Variants in GPR139 observed in about 807,000 individuals in gnomAD.
GPR139 encodes the protein G protein-coupled receptor 139.
A neutral mutation model predicts 25.8 loss-of-function variants in GPR139; 12 were observed. The observed-to-expected ratio is 0.47, with a 90% confidence interval of 0.30 to 0.75. The LOEUF (loss-of-function observed/expected upper bound fraction) is 0.75. GPR139 is among the 30% of genes least tolerant of loss of function. The pLI, the probability that GPR139 is intolerant of heterozygous loss-of-function variation, is 0.07. For missense variants in GPR139, 380 were observed against 450.2 expected (o/e 0.84, Z 1.41); for synonymous variants, 184 against 179.9 (o/e 1.02, Z -0.18).
intron 1 of GPR139, among the ~76,000 whole-genome samples, chr16:20,056,706 T>C (rs1300558417): frequency 6.6e-6 from 1 of 152,166 alleles, no homozygotes; most frequent in Non-Finnish European, 1.5e-5. Flanking sequence ...GTCTGGCACA[T>C]AATAGGTGGT....
Position 20,037,374 on chromosome 16 carries a change from C to T in GPR139, c.128-4705G>A, listed in dbSNP as rs553260130. ...GGCTGAGGCAGGAGAATCACTTGAA[C>T]TCGGGAGGTGGAAGTTACAGTGAGC... On this transcript the variant is annotated intron_variant, in intron 1 of 1. Transcript: ENST00000570682. Among the ~76,000 whole-genome samples the T allele has an allele frequency of 2.3e-3, 352 of 151,130 alleles. 2 individuals are homozygous for T. Among genetic ancestry groups the T allele is most frequent in the Middle Eastern group, 6.8e-3 (2 of 292 alleles).
chr16:20,055,071 G>A (rs1401271403), intron 1 of GPR139, among the ~76,000 whole-genome samples: 1 of 152,098 alleles, frequency 6.6e-6, no homozygotes, highest in African/African-American at 2.4e-5. Context: ...GTATCTATCA[G>A]TTATTTTTTT....
At chr16:20,070,838 A>T (rs2057457019) in intron 1 of GPR139, 1 of 446,078 alleles carries the variant, frequency 2.2e-6, no homozygotes, top group South Asian at 9.4e-5. Context: ...GAGTAATGAG[A>T]GTTTGCTAAT....
chr16:20,073,052 C>G lies in GPR139; in HGVS notation c.127+438G>C, dbSNP rs2057465436. Among the ~76,000 whole-genome samples, 1 of 152,152 alleles carries G rather than the reference C, an allele frequency of 6.6e-6. No homozygotes were observed. ...GGACACGCAGAGGGGCAGAGGTGCC[C>G]CAAGTGGGGTGGACGTGCAGGGGCC... On this transcript the variant is annotated intron_variant, in intron 1 of 1. Transcript: ENST00000570682. The surrounding 1 kb of genome is among the most constrained non-coding windows in gnomAD (Gnocchi z 4.7).
intron 1 of GPR139, among the ~76,000 whole-genome samples, chr16:20,052,524 G>A (rs1318517488): frequency 6.6e-6 from 1 of 152,216 alleles, no homozygotes; most frequent in Non-Finnish European, 1.5e-5. Context: ...GCGGCTGGGC[G>A]CGGTGGCTCA....
chr16:20,052,833 G>A (rs2057377218), intron 1 of GPR139, among the ~76,000 whole-genome samples: 1 of 150,642 alleles, frequency 6.6e-6, no homozygotes, highest in South Asian at 2.1e-4. Flanking sequence ...CTTATTATAA[G>A]CTAGAAATGG....
In GPR139 at chr16:20,030,156, T is replaced by C. The variant is rs2057282379; in HGVS notation, c.*1579A>G. On this transcript the variant is annotated 3_prime_UTR_variant, in exon 2 of 2. Transcript: ENST00000570682. ...TAGGGTTTGTGTTGCCATGGGGCCTTTTCTTATCCCATTCATTTATTGCAA... is the reference window on the plus strand; with the variant it reads ...TAGGGTTTGTGTTGCCATGGGGCCTCTTCTTATCCCATTCATTTATTGCAA... Among the ~76,000 whole-genome samples the C allele has an allele frequency of 1.3e-5, 2 of 152,316 alleles. No individual in the cohort carries two copies. The highest frequency in any genetic ancestry group is 4.8e-5 in the African/African-American group (2 of 41,570).
At chr16:20,035,628 G>A (rs1474478481) in intron 1 of GPR139, among the ~76,000 whole-genome samples, 3 of 152,194 alleles carry the variant, frequency 2.0e-5, no homozygotes, top group Non-Finnish European at 4.4e-5. Context: ...GCAAGCTGTA[G>A]TGAACGCTAT....
chr16:20,046,263 T>G (rs1432679964), intron 1 of GPR139, among the ~76,000 whole-genome samples: 4 of 152,190 alleles, frequency 2.6e-5, no homozygotes, highest in African/African-American at 9.7e-5. Context: ...ATTCAACAAA[T>G]GTTTACTGAG....
chr16:20,045,021 A>C (rs2057349515), intron 1 of GPR139, among the ~76,000 whole-genome samples: 1 of 120,724 alleles, frequency 8.3e-6, no homozygotes. Flanking sequence ...TTTTTTTTAG[A>C]CTGAGTCTTG....
intron 1 of GPR139, among the ~76,000 whole-genome samples, chr16:20,059,038 GGGA>G (rs1474085778): frequency 6.6e-6 from 1 of 152,184 alleles, no homozygotes; most frequent in Admixed American, 6.5e-5. Context: ...TGGCTGGGGT[GGGA>G]GGAGGATGAG....
intron 1 of GPR139, among the ~76,000 whole-genome samples, chr16:20,062,357 G>A (rs2057417112): frequency 6.6e-6 from 1 of 152,224 alleles, no homozygotes; most frequent in African/African-American, 2.4e-5. Flanking sequence ...TCTCCCGTGA[G>A]AGGATACAAC....
chr16:20,056,800 C>A (rs1451938307), intron 1 of GPR139, among the ~76,000 whole-genome samples: 1 of 152,050 alleles, frequency 6.6e-6, no homozygotes, highest in Non-Finnish European at 1.5e-5. Flanking sequence ...AGAAAGCAAA[C>A]CTTGGAAGGA....
intron 1 of GPR139, among the ~76,000 whole-genome samples, chr16:20,041,079 C>T (rs1208129684): frequency 6.9e-6 from 1 of 144,022 alleles, no homozygotes; most frequent in Non-Finnish European, 1.5e-5. Context: ...CACTGCACTC[C>T]AGCCTGGGCG....
At position 20,032,439 on chromosome 16, in the gene GPR139, C is replaced by G. The variant is rs749993997; in HGVS notation, c.358G>C (p.Val120Leu). 4 of 1,614,158 alleles carry G rather than the reference C, an allele frequency of 2.5e-6. No individual in the cohort carries two copies. The East Asian group carries it at 8.9e-5, about 36-fold the overall frequency. ...ATATACCTGTCAATGGTTAACGGTA[C>G]AGTAATCCATATGGAGGTGTGGATG... Reference protein sequence around the residue: ...SSIHTSIWITVPLTIDRYIAV... With the variant: ...SSIHTSIWITLPLTIDRYIAV... The change falls in exon 2 of 2, where the codon GTA becomes CTA. Residue 120 changes from valine (V) to leucine (L), a missense_variant. Val to Leu is a conservative substitution (Grantham distance 32). Coordinates refer to ENST00000570682, the MANE Select transcript of GPR139 (RefSeq NM_001002911.4).
intron 1 of GPR139, among the ~76,000 whole-genome samples, chr16:20,044,992 C>A (rs975213948): frequency 8.0e-6 from 1 of 125,126 alleles, no homozygotes; most frequent in African/African-American, 3.0e-5. Flanking sequence ...TTCACTTGCA[C>A]TATTTTTTTT....
At chr16:20,047,488 C>T (rs2057358284) in intron 1 of GPR139, among the ~76,000 whole-genome samples, 1 of 152,216 alleles carries the variant, frequency 6.6e-6, no homozygotes, top group African/African-American at 2.4e-5. Context: ...TAACTATTGA[C>T]TTTGCATCCT....
intron 1 of GPR139, among the ~76,000 whole-genome samples, chr16:20,068,348 T>C (rs552875235): frequency 1.3e-5 from 2 of 152,270 alleles, no homozygotes; most frequent in South Asian, 2.1e-4. Flanking sequence ...TGAATTCTTC[T>C]GGTGTTTTTA....
intron 1 of GPR139, among the ~76,000 whole-genome samples, chr16:20,036,684 C>A (rs918572706): frequency 1.3e-5 from 2 of 152,184 alleles, no homozygotes; most frequent in African/African-American, 2.4e-5. Context: ...CCCACTGGGT[C>A]CCTCCTATGA....
Sources: gnomAD v4.1 joint callset for allele counts (sites outside exome capture counted in the v4.1 genomes callset) on GRCh38, gnomAD v4.1.1 for gene constraint, Gnocchi (gnomAD v3.1) non-coding constraint, MANE v1.5 for transcripts, NCBI Gene and HGNC (gene_info 2026-07-23, HGNC 2026-07-21) for gene names.